The following EOGT variants were observed in gnomAD, a reference collection of about 807,000 sequenced individuals.
EOGT encodes the protein EGF domain specific O-linked N-acetylglucosamine transferase, also known as EGF domain-specific O-linked N-acetylglucosamine transferase.
Under a neutral mutation model 70.5 loss-of-function variants are expected in EOGT, and 55 were observed. The observed-to-expected ratio is 0.78, with a 90% confidence interval of 0.63 to 0.98. The LOEUF (loss-of-function observed/expected upper bound fraction) is 0.98. Ranked by LOEUF, EOGT falls within the 50% of genes least tolerant of loss-of-function variation. The pLI is 0.00. For synonymous variants in EOGT, 246 were observed against 217.1 expected, an observed-to-expected ratio of 1.13 and a Z score of -1.17; for missense variants, 703 against 641.9, an observed-to-expected ratio of 1.10 and a Z score of -1.03.
chr3:68,985,593 C>A (rs564387105), intron 14 of EOGT, among the ~76,000 whole-genome samples: 2 of 152,152 alleles, frequency 1.3e-5, no homozygotes, highest in South Asian at 4.2e-4. Context: ...TTTTACATTC[C>A]AAAAGTAAGT....
Position 69,008,985 on chromosome 3 carries a change from C to T in EOGT, c.211-457G>A, listed in dbSNP as rs558451768. On this transcript the variant is annotated intron_variant, in intron 4 of 17. Transcript: ENST00000383701. ...CCCCACAACACATGGACAACTCTGCCACCCTTGGGAACCACCCAGCTGCTG... is the reference window on the plus strand; with the variant it reads ...CCCCACAACACATGGACAACTCTGCTACCCTTGGGAACCACCCAGCTGCTG... 4.3e-4 allele frequency among the ~76,000 whole-genome samples: 65 copies of T among 152,352 alleles called. No individual in the cohort carries two copies. The South Asian group carries it at 0.013, about 30-fold the overall frequency.
At chr3:69,010,596 G>A (rs1285962190) in intron 3 of EOGT, among the ~76,000 whole-genome samples, 2 of 152,220 alleles carry the variant, frequency 1.3e-5, no homozygotes, top group Non-Finnish European at 2.9e-5. Flanking sequence ...TCATAGAGCT[G>A]TCATGAGTTA....
intron 6 of EOGT, 34 bp from the exon 7 acceptor site, chr3:69,005,268 A>AGTCTTTGCT: frequency 1.6e-6 from 2 of 1,254,360 alleles, no homozygotes; most frequent in Non-Finnish European, 2.3e-6. Flanking sequence ...AATGACTCTG[A>AGTCTTTGCT]GTATTAACAC....
chr3:69,001,764 C>T, intron 8 of EOGT, 50 bp from the exon 9 acceptor site: 1 of 1,256,212 alleles, frequency 8.0e-7, no homozygotes, highest in Non-Finnish European at 1.2e-6. Flanking sequence ...CCCAAACTTC[C>T]TATTAGAACA....
intron 3 of EOGT, 66 bp from the exon 4 acceptor site, chr3:69,009,926 ACAAC>A (rs1161960810): frequency 1.4e-5 from 8 of 592,586 alleles, no homozygotes; most frequent in African/African-American, 4.7e-5. Flanking sequence ...AACAACAACA[ACAAC>A]AACAAAAAAA....
At position 68,977,730 on chromosome 3, in the gene EOGT, A is replaced by C; in HGVS notation, c.1472T>G (p.Phe491Cys). The C allele has an allele frequency of 6.2e-7, 1 of 1,613,646 alleles. No individual in the cohort carries two copies. The part of the protein sequence containing the change: ...HHPTLGEHPK[F>C]TNYSFDVEEF... ...TTCTACATCGAAAGAGTAGTTGGTG[A>C]ACTTCGGGTGCTCCCCCAGGGTTGG... Residue 491 changes from phenylalanine (F) to cysteine (C), a missense_variant, in exon 18 of 18, where the codon TTC becomes TGC. By Grantham distance (205) the Phe-to-Cys change is radical. Transcript: ENST00000383701.
At chr3:69,007,847 GT>G (rs541495032) in intron 5 of EOGT, 26 bp from the exon 6 acceptor site, 4 of 1,524,202 alleles carry the variant, frequency 2.6e-6, no homozygotes, top group East Asian at 2.3e-5. Context: ...AATATTCTGT[GT>G]TTTTTTCTTT....
intron 9 of EOGT, among the ~76,000 whole-genome samples, chr3:68,999,933 A>C (rs560492985): frequency 2.5e-4 from 38 of 152,344 alleles, no homozygotes; most frequent in African/African-American, 8.9e-4. Flanking sequence ...CATGAAAAGG[A>C]AAACTGAACC....
chr3:69,004,295 C>A, intron 8 of EOGT, 83 bp downstream of exon 8: 1 of 1,018,170 alleles, frequency 9.8e-7, no homozygotes, highest in Non-Finnish European at 1.5e-6. Flanking sequence ...TAACATTTTC[C>A]ATTTGAGAGT....
intron 15 of EOGT, 167 bp downstream of exon 15, chr3:68,982,644 C>T (rs2090682674): frequency 2.4e-6 from 1 of 415,592 alleles, no homozygotes; most frequent in African/African-American, 2.0e-5. Context: ...GAGTAACTGC[C>T]CTTGTTACCA....
intron 6 of EOGT, 75 bp downstream of exon 6, chr3:69,007,638 A>G: frequency 1.0e-6 from 1 of 1,000,388 alleles, no homozygotes; most frequent in Non-Finnish European, 1.5e-6. Flanking sequence ...GGCAATAGAC[A>G]GAAACTCCGT....
At chr3:68,986,782 G>A (rs922424660) in intron 14 of EOGT, among the ~76,000 whole-genome samples, 10 of 152,078 alleles carry the variant, frequency 6.6e-5, no homozygotes, top group African/African-American at 2.4e-4. Flanking sequence ...TCACCTCTAC[G>A]GTGTAAGCTC....
chr3:68,996,774 C>T (rs1396095139), intron 10 of EOGT, among the ~76,000 whole-genome samples: 1 of 152,224 alleles, frequency 6.6e-6, no homozygotes, highest in Admixed American at 6.5e-5. Context: ...TAGACTCACA[C>T]CAAGAGCCGA....
At chr3:68,997,379 T>C (rs1232090338) in intron 10 of EOGT, among the ~76,000 whole-genome samples, 1 of 151,804 alleles carries the variant, frequency 6.6e-6, no homozygotes, top group Non-Finnish European at 1.5e-5. Flanking sequence ...GCCTTTTTTT[T>C]TTTTTTTGAG....
At chr3:68,988,642 T>C in intron 11 of EOGT, 65 bp from the exon 12 acceptor site, 3 of 964,712 alleles carry the variant, frequency 3.1e-6, no homozygotes, top group Non-Finnish European at 4.6e-6. Context: ...ATAGCACGTA[T>C]AATTTTGAGA....
rs762276979 is a variant in EOGT at position 69,001,611 on chromosome 3, C to A, written c.724G>T (p.Ala242Ser). The A allele has an allele frequency of 1.3e-6, 2 of 1,580,650 alleles. No individual in the cohort carries two copies. The highest frequency in any genetic ancestry group is 2.3e-5 in the South Asian group (2 of 88,564). ...EKPTYFMKLD[A>S]GVNMYHHFCD... ...AACAGAAAAAGTTATTTCTCACCTG[C>A]ATCTAATTTCATGAAATATGTTGGT... The change falls in exon 9 of 18, where the codon GCA becomes TCA. Residue 242 changes from alanine to serine, a missense_variant. Physicochemically the swap from Ala to Ser is moderately conservative, Grantham distance 99. Coordinates refer to ENST00000383701, the MANE Select transcript of EOGT (RefSeq NM_001278689.2).
chr3:68,988,461 G>A (rs2090882291), intron 12 of EOGT, 45 bp downstream of exon 12: 2 of 1,490,300 alleles, frequency 1.3e-6, no homozygotes, highest in Non-Finnish European at 1.8e-6. Flanking sequence ...ATGTATAAAT[G>A]TTATGTCTGT....
Position 68,988,919 on chromosome 3 carries a change from C to A in EOGT, c.924+6G>T. On this transcript the variant is annotated splice_donor_region_variant and intron_variant, in intron 11 of 17. Coordinates refer to ENST00000383701, the MANE Select transcript of EOGT (RefSeq NM_001278689.2). ...TTCACAGACATTTCAGGAAAATTTC[C>A]AGTACCCTTTTGGAATCATAAGTTT... 6.8e-7 allele frequency: 1 copy of A among 1,477,030 alleles called. No individual in the cohort carries two copies. Among genetic ancestry groups the A allele is most frequent in the Non-Finnish European group, 9.1e-7 (1 of 1,101,142 alleles). The allele number at this position is 1,477,030 out of a possible 1,614,324, so 91.5% of individuals were successfully genotyped here.
intron 14 of EOGT, among the ~76,000 whole-genome samples, chr3:68,985,549 A>G (rs972087002): frequency 6.6e-5 from 10 of 152,152 alleles, no homozygotes; most frequent in African/African-American, 2.4e-4. Flanking sequence ...TTGATCCTTG[A>G]TACCTTTCCT....
Sources: gnomAD v4.1 joint callset for allele counts (sites outside exome capture counted in the v4.1 genomes callset) on GRCh38, gnomAD v4.1.1 for gene constraint, MANE v1.5 for transcripts, NCBI Gene and HGNC (gene_info 2026-07-23, HGNC 2026-07-21) for gene names.